CDH18: variants seen among roughly 807,000 people sequenced by gnomAD.
CDH18 encodes cadherin-18.
A neutral mutation model predicts 67.9 loss-of-function variants in CDH18; 31 were observed. The observed-to-expected ratio is 0.46, with a 90% CI of 0.34 to 0.62. The LOEUF is 0.62. CDH18 is among the 20% of genes least tolerant of loss of function. CDH18 has a pLI of 0.01. For missense variants in CDH18, 890 were observed against 975.5 expected, an observed-to-expected ratio of 0.91 and a Z score of 1.17; for synonymous variants, 362 against 347.2, an observed-to-expected ratio of 1.04 and a Z score of -0.48.
upstream of CDH18, among the ~76,000 whole-genome samples, chr5:19,991,326 G>T (rs1005406198): frequency 6.6e-6 from 1 of 152,104 alleles, no homozygotes; most frequent in East Asian, 1.9e-4. Context: ...GCTTTATTGA[G>T]ATATCATTGG....
At chr5:20,134,289 T>G (rs1367056450) in intron 2 of CDH18, among the ~76,000 whole-genome samples, 1 of 152,142 alleles carries the variant, frequency 6.6e-6, no homozygotes, top group Admixed American at 6.6e-5. Flanking sequence ...ATCTTGTATA[T>G]CGTTTTTATT....
At chr5:20,136,693 T>A (rs1252904406) in intron 2 of CDH18, among the ~76,000 whole-genome samples, 1 of 152,174 alleles carries the variant, frequency 6.6e-6, no homozygotes, top group Non-Finnish European at 1.5e-5. Context: ...TTGATGATTT[T>A]TACAATTTGG....
At chr5:19,521,739 G>C (rs1418688071) in intron 9 of CDH18, among the ~76,000 whole-genome samples, 1 of 151,986 alleles carries the variant, frequency 6.6e-6, no homozygotes, top group African/African-American at 2.4e-5. Flanking sequence ...TCTAAGTAGT[G>C]CTGTATTAAA....
At chr5:19,930,331 G>A (rs73762445) in intron 2 of CDH18, among the ~76,000 whole-genome samples, 3,979 of 152,018 alleles carry the variant, frequency 0.026, 106 homozygotes, top group African/African-American at 0.063. Flanking sequence ...AGCGAGCAAG[G>A]AGAAACATAT....
chr5:19,619,293 T>C (rs2150134879), intron 5 of CDH18, among the ~76,000 whole-genome samples: 1 of 152,322 alleles, frequency 6.6e-6, no homozygotes, highest in Admixed American at 6.5e-5. Context: ...TGAAATGCTA[T>C]GATTAGAATG....
chr5:19,789,915 T>C (rs927329480), intron 3 of CDH18, among the ~76,000 whole-genome samples: 4 of 151,902 alleles, frequency 2.6e-5, no homozygotes, highest in African/African-American at 9.7e-5. Context: ...ATTTTATACA[T>C]AATATAATGT....
intron 2 of CDH18, among the ~76,000 whole-genome samples, chr5:19,874,446 A>G (rs1467924754): frequency 6.6e-6 from 1 of 152,218 alleles, no homozygotes; most frequent in Non-Finnish European, 1.5e-5. Context: ...ATGTTTCTAT[A>G]GTAACCATCC....
At chr5:19,736,740 A>G (rs1247818624) in intron 4 of CDH18, among the ~76,000 whole-genome samples, 1 of 152,178 alleles carries the variant, frequency 6.6e-6, no homozygotes, top group African/African-American at 2.4e-5. Flanking sequence ...ATAAACTTAG[A>G]GAGTAGCACC....
intron 7 of CDH18, among the ~76,000 whole-genome samples, chr5:19,584,217 T>A (rs1162366081): frequency 1.3e-5 from 2 of 152,142 alleles, no homozygotes; most frequent in African/African-American, 4.8e-5. Flanking sequence ...AAACAATGAA[T>A]GAAAGTTATC....
chr5:20,567,057 A>G (rs1167436257), intron 1 of CDH18, among the ~76,000 whole-genome samples: 1 of 152,142 alleles, frequency 6.6e-6, no homozygotes, highest in East Asian at 1.9e-4. Flanking sequence ...TTCTTTATTC[A>G]CTCAAGCATG....
chr5:19,935,948 C>G (rs1794213573), intron 2 of CDH18, among the ~76,000 whole-genome samples: 1 of 150,724 alleles, frequency 6.6e-6, no homozygotes, highest in South Asian at 2.1e-4. Context: ...TTGTTCCAGA[C>G]TGTATGATTG....
chr5:20,339,082 C>A (rs1740029900), intron 1 of CDH18, among the ~76,000 whole-genome samples: 1 of 152,120 alleles, frequency 6.6e-6, no homozygotes, highest in Admixed American at 6.6e-5. Flanking sequence ...ATGGGGGAAG[C>A]AGACTAAGAG....
intron 1 of CDH18, among the ~76,000 whole-genome samples, chr5:19,983,475 A>T (rs1799263605): frequency 6.6e-6 from 1 of 152,180 alleles, no homozygotes; most frequent in Non-Finnish European, 1.5e-5. Flanking sequence ...GTTTTGAGTA[A>T]AATCTTGAAT....
intron 1 of CDH18, chr5:20,305,057 T>A (rs1283625636): frequency 6.2e-7 from 1 of 1,602,716 alleles, no homozygotes; most frequent in Admixed American, 1.7e-5. Flanking sequence ...CCATTAGTTT[T>A]GGGATTTGAA....
chr5:19,977,583 A>G (rs1798616095), intron 2 of CDH18, among the ~76,000 whole-genome samples: 1 of 152,174 alleles, frequency 6.6e-6, no homozygotes, highest in Non-Finnish European at 1.5e-5. Context: ...ATCCTATGCT[A>G]AAGAGGGCTT....
intron 5 of CDH18, among the ~76,000 whole-genome samples, chr5:19,627,291 T>C (rs1262202418): frequency 6.6e-6 from 1 of 152,200 alleles, no homozygotes; most frequent in Non-Finnish European, 1.5e-5. Flanking sequence ...ATTTTTAGCT[T>C]AGCAAAATGC....
chr5:19,821,015 T>C (rs989002943), intron 3 of CDH18, among the ~76,000 whole-genome samples: 1 of 152,156 alleles, frequency 6.6e-6, no homozygotes, highest in African/African-American at 2.4e-5. Flanking sequence ...TGAGAAGACA[T>C]TGGCACAAAA....
chr5:20,025,649 T>G (rs1738831014), intron 2 of CDH18, among the ~76,000 whole-genome samples: 1 of 152,240 alleles, frequency 6.6e-6, no homozygotes. Context: ...AATATGATTT[T>G]CTTTTTCTTT....
intron 3 of CDH18, among the ~76,000 whole-genome samples, chr5:19,825,841 A>C (rs181814036): frequency 1.6e-4 from 25 of 152,282 alleles, no homozygotes; most frequent in African/African-American, 5.5e-4. Context: ...TTCTTGCTTC[A>C]AATGACCATG....
Sources: allele counts gnomAD v4.1 joint callset (sites outside exome capture counted in the v4.1 genomes callset), GRCh38; gene constraint gnomAD v4.1.1; transcripts MANE v1.5; gene names NCBI Gene and HGNC (gene_info 2026-07-23, HGNC 2026-07-21).